Variants in LY96 observed in about 807,000 individuals in gnomAD.
LY96 encodes the protein myeloid differentiation protein-2.
Under a neutral mutation model 18.9 loss-of-function variants are expected in LY96, and 18 were observed. The ratio of observed to expected loss-of-function variants is 0.95; its 90% CI spans 0.66 to 1.41. The LOEUF (loss-of-function observed/expected upper bound fraction) is 1.41. LY96 is among the 40% of genes most tolerant of loss of function. The pLI, the probability that LY96 is intolerant of heterozygous loss-of-function variation, is 0.00. For synonymous variants in LY96, 66 were observed against 62.6 expected (o/e 1.06, Z -0.26); for missense variants, 175 against 182.4 (o/e 0.96, Z 0.23).
chr8:74,004,685 T>C (rs775708092), intron 1 of LY96, 111 bp from the exon 2 acceptor site: 10 of 1,040,882 alleles, frequency 9.6e-6, no homozygotes, highest in African/African-American at 3.2e-5. Context: ...TCAATTTTTC[T>C]TATTTTATAA....
rs1437300553 is a variant in LY96, at chr8:74,002,061, TCC to T, written c.113-2734_113-2733del. ...TTCCTTCCTTCCTTCCTTCCTTCCT[TCC>T]TTCCTTCCTTCCTTTCTTTCTTTCT... On this transcript the variant is annotated intron_variant, in intron 1 of 4. Coordinates refer to ENST00000284818, the MANE Select transcript of LY96 (RefSeq NM_015364.5). 7.0e-3 allele frequency among the ~76,000 whole-genome samples: 287 copies of T among 41,192 alleles called. 45 individuals are homozygous for T. The highest frequency in any genetic ancestry group is 0.049 in the East Asian group (86 of 1,756). 27.0% of individuals were successfully genotyped at this position (41,192 alleles called of 152,430 possible). A position where few individuals can be genotyped will look rare whatever the true frequency, so the allele number is the denominator to read the frequency against.
the LY96 span, chr8:74,056,444 A>G: frequency 5.1e-6 from 1 of 195,754 alleles, no homozygotes; most frequent in South Asian, 7.9e-5. Context: ...CTAGAAAGAC[A>G]TAGAAAGCCT....
the LY96 span, among the ~76,000 whole-genome samples, chr8:74,043,941 T>C: frequency 6.6e-6 from 1 of 152,248 alleles, no homozygotes; most frequent in South Asian, 2.1e-4. Context: ...TCAAGCGATC[T>C]TCCCGTCTTA....
At chr8:74,045,114 C>T in the LY96 span, among the ~76,000 whole-genome samples, 35 of 152,318 alleles carry the variant, frequency 2.3e-4, no homozygotes, top group African/African-American at 8.4e-4. Flanking sequence ...ATAATATTCT[C>T]CATTCATTCA....
chr8:74,022,070 T>C (rs62509333), intron 3 of LY96, among the ~76,000 whole-genome samples: 7 of 149,288 alleles, frequency 4.7e-5, no homozygotes, highest in South Asian at 2.1e-4. Flanking sequence ...TAAAGTATAA[T>C]TTAAAAAAAA....
At chr8:74,091,345 G>A in the LY96 span, among the ~76,000 whole-genome samples, 1 of 152,142 alleles carries the variant, frequency 6.6e-6, no homozygotes, top group African/African-American at 2.4e-5. Context: ...CTTGTCCAGT[G>A]CCCAACTTTC....
chr8:73,998,181 G>T (rs1816190828), intron 1 of LY96, among the ~76,000 whole-genome samples: 1 of 152,120 alleles, frequency 6.6e-6, no homozygotes, highest in East Asian at 1.9e-4. Context: ...GGAACTAGAA[G>T]CTCTGGGCAA....
At chr8:74,036,272 G>C in the LY96 span, among the ~76,000 whole-genome samples, 1 of 152,300 alleles carries the variant, frequency 6.6e-6, no homozygotes, top group African/African-American at 2.4e-5. Context: ...AGAATTATGG[G>C]AGGTGCCTGA....
chr8:74,097,691 GC>G, the LY96 span, among the ~76,000 whole-genome samples: 1 of 152,094 alleles, frequency 6.6e-6, no homozygotes, highest in East Asian at 1.9e-4. Context: ...GGGCCACAGA[GC>G]AAGACTCTGT....
chr8:74,019,866 A>C (rs1355103924), intron 3 of LY96, among the ~76,000 whole-genome samples: 2 of 152,218 alleles, frequency 1.3e-5, no homozygotes, highest in Non-Finnish European at 2.9e-5. Flanking sequence ...GACAAAATTC[A>C]ACAGCCTTTC....
downstream of LY96, among the ~76,000 whole-genome samples, chr8:74,032,675 T>C (rs551219003): frequency 2.0e-4 from 30 of 152,178 alleles, no homozygotes; most frequent in Middle Eastern, 6.8e-3. Context: ...GTCTGAGGGG[T>C]TGTTGTCTGC....
chr8:74,024,339 T>A (rs990997526), intron 3 of LY96, among the ~76,000 whole-genome samples: 1 of 150,084 alleles, frequency 6.7e-6, no homozygotes, highest in Non-Finnish European at 1.5e-5. Context: ...CTATTATTAT[T>A]ATATTATTAT....
At chr8:73,996,405 C>A (rs1453718843) in intron 1 of LY96, among the ~76,000 whole-genome samples, 2 of 45,412 alleles carry the variant, frequency 4.4e-5, no homozygotes, top group Non-Finnish European at 8.7e-5. Context: ...TTCTTTCTTT[C>A]TTTCTTTCTT....
intron 3 of LY96, among the ~76,000 whole-genome samples, chr8:74,026,327 A>T (rs1816871204): frequency 6.6e-6 from 1 of 152,098 alleles, no homozygotes; most frequent in Admixed American, 6.6e-5. Flanking sequence ...TATGCACTTA[A>T]ACAGAAGCTA....
At chr8:74,002,024 TTCCTTCCTTCCTTCCTTCCTTC>T (rs1816290745) in intron 1 of LY96, among the ~76,000 whole-genome samples, 1 of 20,376 alleles carries the variant, frequency 4.9e-5, no homozygotes, top group African/African-American at 3.6e-4. Flanking sequence ...CCTTCCTTCC[TTCCTTCCTTCCTTCCTTCCTTC>T]CTTCCTTCCT....
chr8:74,033,913 T>A (rs901313097), downstream of LY96, among the ~76,000 whole-genome samples: 34 of 151,886 alleles, frequency 2.2e-4, no homozygotes, highest in South Asian at 6.2e-4. Context: ...TTTTTTTTTT[T>A]AAACCAGGGC....
At chr8:74,050,275 A>G in the LY96 span, among the ~76,000 whole-genome samples, 1 of 152,016 alleles carries the variant, frequency 6.6e-6, no homozygotes, top group African/African-American at 2.4e-5. Flanking sequence ...CAGGAGAGGC[A>G]GAGGTTGCAG....
At chr8:74,076,075 G>A in the LY96 span, among the ~76,000 whole-genome samples, 4,480 of 152,136 alleles carry the variant, frequency 0.029, 212 homozygotes, top group African/African-American at 0.1. Context: ...CTCCTTTCTC[G>A]GTCGCTGAAT....
the LY96 span, among the ~76,000 whole-genome samples, chr8:74,046,624 A>G: frequency 6.6e-6 from 1 of 152,220 alleles, no homozygotes; most frequent in African/African-American, 2.4e-5. Flanking sequence ...GATATTAACA[A>G]TAAGCAGAAA....
Sources: gnomAD v4.1 joint callset for allele counts (sites outside exome capture counted in the v4.1 genomes callset) on GRCh38, gnomAD v4.1.1 for gene constraint, MANE v1.5 for transcripts, NCBI Gene and HGNC (gene_info 2026-07-23, HGNC 2026-07-21) for gene names.